Variants in ASAH1 observed in about 807,000 individuals in gnomAD.
ASAH1 encodes the protein N-acylsphingosine amidohydrolase 1.
A neutral mutation model predicts 59.5 loss-of-function variants in ASAH1; 70 were observed. The observed-to-expected ratio is 1.18, with a 90% CI of 0.97 to 1.43. The LOEUF (loss-of-function observed/expected upper bound fraction) is 1.43, where lower values mean the gene tolerates loss of function less well. Among genes scored for constraint, ASAH1 ranks in the 40% most tolerant of loss-of-function variants. ASAH1 has a pLI of 0.00. For missense variants in ASAH1, 660 were observed against 482.5 expected (o/e 1.37, Z -3.45); for synonymous variants, 213 against 166.5 (o/e 1.28, Z -2.15).
chr8:18,066,129 A>T (rs1382874242), intron 5 of ASAH1: 5 of 152,106 alleles, frequency 3.3e-5, no homozygotes, highest in African/African-American at 4.8e-5. Flanking sequence ...GAAAATATAT[A>T]AGCATATATA....
At chr8:18,061,805 A>C (rs1389695133) in intron 8 of ASAH1, 65 bp from the exon 9 acceptor site, 38 of 1,434,216 alleles carry the variant, frequency 2.6e-5, no homozygotes, top group South Asian at 1.6e-4. Context: ...CCTGTCGCTC[A>C]CTGTACTTCA....
In ASAH1 at chr8:18,074,555, G is replaced by A. The variant is rs564393844; in HGVS notation, c.125+986C>T. On this transcript the variant is annotated intron_variant, in intron 2 of 13. Transcript: ENST00000637790. ...GTACTGTTTCCCCCTACAAACAGCA[G>A]GCTACTTTCAGCGAAAGGGCAGTGT... 2.8e-3 allele frequency among the ~76,000 whole-genome samples: 427 copies of A among 152,260 alleles called. 3 individuals carry two copies. The highest frequency in any genetic ancestry group is 9.6e-3 in the African/African-American group (398 of 41,538).
intron 5 of ASAH1, 33 bp downstream of exon 5, chr8:18,067,187 C>CTT: frequency 9.4e-6 from 13 of 1,382,006 alleles, no homozygotes; most frequent in Admixed American, 3.9e-5. Flanking sequence ...AATTTAATTA[C>CTT]TTTTTTTTTT....
intron 5 of ASAH1, 48 bp from the exon 6 acceptor site, chr8:18,064,579 G>T: frequency 9.2e-7 from 1 of 1,081,268 alleles, no homozygotes. Flanking sequence ...CATGACAATG[G>T]GAGAAAAATT....
intron 6 of ASAH1, chr8:18,063,437 G>A (rs1415819550): frequency 3.7e-6 from 2 of 547,660 alleles, no homozygotes; most frequent in Admixed American, 3.1e-5. Flanking sequence ...CCACGTAGTT[G>A]GGATTACAGA....
chr8:18,072,559 G>A (rs998356243), intron 2 of ASAH1, among the ~76,000 whole-genome samples: 30 of 152,210 alleles, frequency 2.0e-4, no homozygotes, highest in Middle Eastern at 3.4e-3. Context: ...CATAGTGAAC[G>A]AATTTTGTTC....
chr8:18,056,186 A>G lies in ASAH1; in HGVS notation c.*1348T>C, dbSNP rs73581667. On this transcript the variant is annotated 3_prime_UTR_variant, in exon 14 of 14. Transcript: ENST00000637790. ...TCACTAAAGTAATCTTGGAATCACT[A>G]AAGTTTTGTGGAAGCACCACCTATC... The G allele has an allele frequency of 3.2e-4, 48 of 152,310 alleles. No individual in the cohort carries two copies. The highest frequency in any genetic ancestry group is 1.1e-3 in the African/African-American group (46 of 41,576). The allele number at this position is 152,310 out of a possible 1,614,324, so 9.4% of individuals were successfully genotyped here. A position where few individuals can be genotyped will look rare whatever the true frequency, so the allele number is the denominator to read the frequency against.
chr8:18,084,894 G>T, upstream of ASAH1: 1 of 1,538,404 alleles, frequency 6.5e-7, no homozygotes, highest in South Asian at 1.2e-5. Flanking sequence ...AGCTCGGCAG[G>T]GGGACTCGCT....
At chr8:18,061,528 A>G (rs1460719943) in intron 9 of ASAH1, 70 bp from the exon 10 acceptor site, 1 of 1,453,006 alleles carries the variant, frequency 6.9e-7, no homozygotes, top group East Asian at 2.3e-5. Context: ...GACCCGGAAG[A>G]GGCTGGACTA....
chr8:18,069,518 G>T, intron 4 of ASAH1: 1 of 365,530 alleles, frequency 2.7e-6, no homozygotes, highest in Non-Finnish European at 5.1e-6. Context: ...ACTACATAAA[G>T]GGAAGGAAAT....
chr8:18,073,534 G>C (rs1800263182), intron 2 of ASAH1, among the ~76,000 whole-genome samples: 1 of 152,180 alleles, frequency 6.6e-6, no homozygotes. Flanking sequence ...CAAGTGCTAG[G>C]CATCCCGTGA....
intron 10 of ASAH1, 80 bp from the exon 11 acceptor site, chr8:18,059,783 T>C (rs1402602553): frequency 6.4e-6 from 9 of 1,407,944 alleles, no homozygotes; most frequent in Non-Finnish European, 8.7e-6. Flanking sequence ...TAAATTTTAC[T>C]TTAAGTTCTG....
upstream of ASAH1, chr8:18,084,239 G>A (rs1800795867): frequency 1.4e-6 from 2 of 1,469,110 alleles, no homozygotes; most frequent in South Asian, 2.8e-5. Context: ...GCTTTTCAGT[G>A]CCACGAAAAG....
chr8:18,071,257 A>AT, intron 3 of ASAH1, 43 bp downstream of exon 3: 2 of 1,065,872 alleles, frequency 1.9e-6, no homozygotes, highest in Non-Finnish European at 2.5e-6. Flanking sequence ...ATAAAATAAA[A>AT]AATAAAAATA....
chr8:18,067,143 A>AAATCTAAGACATACAGCACC, intron 5 of ASAH1, 77 bp downstream of exon 5: 1 of 1,321,252 alleles, frequency 7.6e-7, no homozygotes, highest in Non-Finnish European at 1.1e-6. Context: ...CCTGTGCTGT[A>AAATCTAAGACATACAGCACC]TGTATATCAC....
chr8:18,064,780 A>G, intron 5 of ASAH1: 1 of 444,130 alleles, frequency 2.3e-6, no homozygotes, highest in Non-Finnish European at 4.0e-6. Context: ...ATTGTTCTCC[A>G]ACATCACATC....
chr8:18,083,806 CG>C, intron 1 of ASAH1, 174 bp downstream of exon 1: 8 of 1,324,374 alleles, frequency 6.0e-6, no homozygotes, highest in Non-Finnish European at 8.1e-6. Context: ...CTACCGAGGA[CG>C]GGGTTCGCCA....
chr8:18,074,304 C>T (rs990176985), intron 2 of ASAH1, among the ~76,000 whole-genome samples: 3 of 151,856 alleles, frequency 2.0e-5, no homozygotes, highest in Admixed American at 6.6e-5. Context: ...TGAACACTGG[C>T]CCCAAACAAC....
At chr8:18,074,850 T>G (rs770101276) in intron 2 of ASAH1, among the ~76,000 whole-genome samples, 4 of 152,226 alleles carry the variant, frequency 2.6e-5, no homozygotes, top group African/African-American at 4.8e-5. Context: ...TATGAGGGCC[T>G]ATGCTTTTTT....
Sources: gnomAD v4.1 joint callset for allele counts (sites outside exome capture counted in the v4.1 genomes callset) on GRCh38, gnomAD v4.1.1 for gene constraint, MANE v1.5 for transcripts, NCBI Gene and HGNC (gene_info 2026-07-23, HGNC 2026-07-21) for gene names.